Variants in PPP2R2C observed in about 807,000 individuals in gnomAD.
PPP2R2C encodes protein phosphatase 2 regulatory subunit Bgamma.
In PPP2R2C, 10 loss-of-function variants were observed where a neutral mutation model predicts 45.3. The observed-to-expected ratio is 0.22, with a 90% CI of 0.14 to 0.37. The LOEUF is 0.37. Among genes scored for constraint, PPP2R2C ranks in the 10% least tolerant of loss-of-function variants. The pLI, the probability that PPP2R2C is intolerant of heterozygous loss-of-function variation, is 1.00. For missense variants in PPP2R2C, 308 were observed against 619.7 expected, an observed-to-expected ratio of 0.50 and a Z score of 5.34; for synonymous variants, 257 against 245.4, an observed-to-expected ratio of 1.05 and a Z score of -0.44.
At chr4:6,347,277 G>A (rs958905565) in intron 6 of PPP2R2C, among the ~76,000 whole-genome samples, 26 of 152,162 alleles carry the variant, frequency 1.7e-4, no homozygotes, top group African/African-American at 6.0e-4. Flanking sequence ...TGTTATGCTG[G>A]GGGCTGCTGT....
chr4:6,468,802 G>C (rs1329085692), intron 1 of PPP2R2C, among the ~76,000 whole-genome samples: 1 of 152,010 alleles, frequency 6.6e-6, no homozygotes, highest in African/African-American at 2.4e-5. Context: ...ACTGAGGCCT[G>C]CCGCAAAAAG....
At chr4:6,459,802 C>A (rs1037035615) in intron 1 of PPP2R2C, among the ~76,000 whole-genome samples, 5 of 151,974 alleles carry the variant, frequency 3.3e-5, no homozygotes, top group African/African-American at 9.7e-5. Context: ...CACAAAAAAA[C>A]AGCAATTTTT....
chr4:6,438,995 T>G (rs1437354135), intron 1 of PPP2R2C, among the ~76,000 whole-genome samples: 3 of 152,232 alleles, frequency 2.0e-5, no homozygotes, highest in Non-Finnish European at 4.4e-5. Flanking sequence ...CAAAGGATCC[T>G]TTCTTATTGA....
chr4:6,395,748 C>G (rs1716980531), intron 1 of PPP2R2C, among the ~76,000 whole-genome samples: 1 of 152,212 alleles, frequency 6.6e-6, no homozygotes. Flanking sequence ...GGCTCGCTTT[C>G]CTCCCCTGTG....
intron 1 of PPP2R2C, among the ~76,000 whole-genome samples, chr4:6,461,483 A>C (rs147473749): frequency 1.3e-3 from 198 of 152,302 alleles, no homozygotes; most frequent in African/African-American, 4.3e-3. Flanking sequence ...GGAAGTCACA[A>C]GTGCCATGTC....
At chr4:6,425,969 A>C (rs1459636396) in intron 1 of PPP2R2C, among the ~76,000 whole-genome samples, 2 of 152,094 alleles carry the variant, frequency 1.3e-5, no homozygotes, top group African/African-American at 4.8e-5. Context: ...CAGGTCCATC[A>C]GTACCGGGCC....
At chr4:6,449,598 T>C (rs1203846053) in intron 1 of PPP2R2C, among the ~76,000 whole-genome samples, 1 of 152,146 alleles carries the variant, frequency 6.6e-6, no homozygotes, top group African/African-American at 2.4e-5. Context: ...CATCCTCACG[T>C]GGTTGCACAA....
At chr4:6,525,799 G>A (rs933522603) in intron 2 of PPP2R2C, among the ~76,000 whole-genome samples, 9 of 152,130 alleles carry the variant, frequency 5.9e-5, no homozygotes, top group African/African-American at 2.2e-4. Flanking sequence ...TGCCTCCCGG[G>A]TTCAAGTGAT....
chr4:6,438,745 A>G (rs764588337), intron 1 of PPP2R2C, among the ~76,000 whole-genome samples: 1 of 152,184 alleles, frequency 6.6e-6, no homozygotes, highest in Non-Finnish European at 1.5e-5. Flanking sequence ...GTTTCTCAGG[A>G]TGTCTCTATT....
chr4:6,366,928 C>G (rs1714368664), intron 5 of PPP2R2C, among the ~76,000 whole-genome samples: 1 of 152,110 alleles, frequency 6.6e-6, no homozygotes, highest in South Asian at 2.1e-4. Context: ...CATGGTCAGA[C>G]CAGAGGTTCC....
intron 2 of PPP2R2C, among the ~76,000 whole-genome samples, chr4:6,379,543 G>T (rs1181353162): frequency 6.6e-6 from 1 of 152,240 alleles, no homozygotes; most frequent in Non-Finnish European, 1.5e-5. Context: ...CTAGAAGGAA[G>T]AAAACACTAA....
intron 1 of PPP2R2C, among the ~76,000 whole-genome samples, chr4:6,419,221 C>T (rs1011084199): frequency 5.9e-5 from 9 of 152,166 alleles, no homozygotes; most frequent in Admixed American, 5.2e-4. Context: ...AGTTCGAGAC[C>T]AGCCTGGCCA....
At chr4:6,510,980 C>CAAA (rs752037080) in intron 2 of PPP2R2C, among the ~76,000 whole-genome samples, 1,133 of 40,956 alleles carry the variant, frequency 0.028, 115 homozygotes, top group African/African-American at 0.042. Context: ...CCGTCTCAAA[C>CAAA]AAAAAAAAAC....
At chr4:6,401,243 T>G (rs572561067) in intron 1 of PPP2R2C, among the ~76,000 whole-genome samples, 1 of 152,098 alleles carries the variant, frequency 6.6e-6, no homozygotes, top group South Asian at 2.1e-4. Context: ...CCCCTCCATC[T>G]CCTGGATATG....
At chr4:6,479,515 G>T (rs1468414291) in intron 2 of PPP2R2C, among the ~76,000 whole-genome samples, 2 of 151,878 alleles carry the variant, frequency 1.3e-5, no homozygotes, top group Admixed American at 1.3e-4. Context: ...AGTCTGTGTG[G>T]AAGGGCCCAG....
chr4:6,553,194 G>C (rs77433897), intron 1 of PPP2R2C, among the ~76,000 whole-genome samples: 2,870 of 152,274 alleles, frequency 0.019, 98 homozygotes, highest in African/African-American at 0.065. Flanking sequence ...CAGCGCCACC[G>C]CAGGGAGAAG....
intron 1 of PPP2R2C, among the ~76,000 whole-genome samples, chr4:6,423,535 A>C (rs2109396593): frequency 6.6e-6 from 1 of 152,376 alleles, no homozygotes; most frequent in Middle Eastern, 3.4e-3. Flanking sequence ...ACCAAGAAAC[A>C]CACATGCACC....
At chr4:6,337,353 C>T (rs1178649664) in intron 6 of PPP2R2C, among the ~76,000 whole-genome samples, 2 of 151,086 alleles carry the variant, frequency 1.3e-5, no homozygotes, top group Non-Finnish European at 1.5e-5. Flanking sequence ...AAGAGGGACC[C>T]CCGGTGGCTA....
chr4:6,458,822 T>G (rs1490139255), intron 1 of PPP2R2C, among the ~76,000 whole-genome samples: 1 of 152,164 alleles, frequency 6.6e-6, no homozygotes, highest in Non-Finnish European at 1.5e-5. Flanking sequence ...ATTCCTGTCC[T>G]GTCTCATGAT....
Sources: allele counts gnomAD v4.1 joint callset (sites outside exome capture counted in the v4.1 genomes callset), GRCh38; gene constraint gnomAD v4.1.1; transcripts MANE v1.5; gene names NCBI Gene and HGNC (gene_info 2026-07-23, HGNC 2026-07-21).